The following SIM2 variants were observed in gnomAD, a reference collection of about 807,000 sequenced individuals.
SIM2 encodes SIM bHLH transcription factor 2, also known as single-minded homolog 2.
SIM2 carries 28 observed loss-of-function variants against 64.8 expected under a neutral mutation model. The observed-to-expected ratio is 0.43, with a 90% confidence interval of 0.32 to 0.59. The LOEUF (loss-of-function observed/expected upper bound fraction) is 0.59, where lower values mean the gene tolerates loss of function less well. SIM2 is among the 20% of genes least tolerant of loss of function. The probability of loss-of-function intolerance (pLI) is 0.07; values close to 1 mark genes in which losing one functional copy is unlikely to be tolerated. For missense variants in SIM2, 847 were observed against 871.4 expected, an observed-to-expected ratio of 0.97 and a Z score of 0.35; for synonymous variants, 408 against 391.1, an observed-to-expected ratio of 1.04 and a Z score of -0.51.
chr21:36,723,100 G>A lies in SIM2; in HGVS notation c.513G>A (p.Arg171=), dbSNP rs769555388. 2 of 1,614,170 alleles carry A rather than the reference G, an allele frequency of 1.2e-6. No homozygotes were observed. Among genetic ancestry groups the A allele is most frequent in the Non-Finnish European group, 1.7e-6 (2 of 1,180,016 alleles). ...GAATGAAATGTGTCTTGGCGAAAAG[G>A]AACGCGGGCCTGACCTGCAGCGGAT... ...FLRMKCVLAK[R]NAGLTCSGYK... The change falls in exon 5 of 11, where the codon AGG becomes AGA. Residue 171 remains arginine, a synonymous_variant. Transcript: ENST00000290399.
chr21:36,739,767 G>A (rs1272587014), intron 7 of SIM2, among the ~76,000 whole-genome samples: 2 of 152,138 alleles, frequency 1.3e-5, no homozygotes, highest in Non-Finnish European at 2.9e-5. Context: ...CACCTGCAAT[G>A]GCTGCATAGT....
At position 36,699,654 on chromosome 21, in the gene SIM2, G is replaced by T; in HGVS notation, c.-93G>T. 6.9e-7 allele frequency: 1 copy of T among 1,442,396 alleles called. No homozygotes were observed. Among genetic ancestry groups the T allele is most frequent in the Non-Finnish European group, 9.3e-7 (1 of 1,076,544 alleles). The allele number at this position is 1,442,396 out of a possible 1,614,324, so 89.3% of individuals were successfully genotyped here. A position where few individuals can be genotyped will look rare whatever the true frequency, so the allele number is the denominator to read the frequency against. On this transcript the variant is annotated 5_prime_UTR_variant, in exon 1 of 11. Transcript: ENST00000290399. The surrounding 1 kb of genome is among the most constrained non-coding windows in gnomAD (Gnocchi z 5.6). ...ACTCCGCGGACTCACCTGGCTCCCG[G>T]CTCCCCCTTCCCCATCCCCGCCGCC...
At chr21:36,737,993 A>AT (rs2089097769) in intron 7 of SIM2, among the ~76,000 whole-genome samples, 1 of 148,232 alleles carries the variant, frequency 6.7e-6, no homozygotes, top group Non-Finnish European at 1.5e-5. Context: ...GCAAAAAAAA[A>AT]GCAAAAAGAA....
At chr21:36,705,498 G>A (rs1601684897) in intron 1 of SIM2, among the ~76,000 whole-genome samples, 1 of 152,234 alleles carries the variant, frequency 6.6e-6, no homozygotes, top group East Asian at 1.9e-4. Flanking sequence ...AGAGAGGGAG[G>A]CACAAAGTGA....
At chr21:36,728,137 C>T (rs1165915332) in intron 6 of SIM2, among the ~76,000 whole-genome samples, 1 of 152,234 alleles carries the variant, frequency 6.6e-6, no homozygotes, top group East Asian at 1.9e-4. Flanking sequence ...GGGTGGACCC[C>T]TCTGCTCCCT....
Position 36,716,161 on chromosome 21 carries a change from C to T in SIM2, c.348+3539C>T, listed in dbSNP as rs78950115. Among the ~76,000 whole-genome samples, 65 of 152,252 alleles carry T rather than the reference C, an allele frequency of 4.3e-4. No individual in the cohort carries two copies. The East Asian group carries it at 0.011, about 27-fold the overall frequency. ...GTTGGGGCAGCAATGTTTTTCCATG[C>T]GTGTTTACTAAATGATTTAGTTCCA... On this transcript the variant is annotated intron_variant, in intron 3 of 10. Coordinates refer to ENST00000290399, the MANE Select transcript of SIM2 (RefSeq NM_005069.6).
At chr21:36,716,503 C>T (rs1042512059) in intron 3 of SIM2, among the ~76,000 whole-genome samples, 1 of 152,120 alleles carries the variant, frequency 6.6e-6, no homozygotes, top group East Asian at 1.9e-4. Flanking sequence ...GAAATAAAGA[C>T]AAAAGACAAC....
intron 1 of SIM2, among the ~76,000 whole-genome samples, chr21:36,702,265 T>G (rs2123406072): frequency 6.6e-6 from 1 of 152,274 alleles, no homozygotes; most frequent in South Asian, 2.1e-4. Context: ...AGGGGCTTCC[T>G]GTGTGTCTTT....
intron 4 of SIM2, among the ~76,000 whole-genome samples, chr21:36,721,456 G>C (rs1186803761): frequency 6.6e-6 from 1 of 152,038 alleles, no homozygotes; most frequent in African/African-American, 2.4e-5. Context: ...TTGTTTTTTG[G>C]AGTTGGAGTT....
intron 4 of SIM2, among the ~76,000 whole-genome samples, chr21:36,721,610 T>G (rs919332307): frequency 6.6e-6 from 1 of 151,988 alleles, no homozygotes; most frequent in Non-Finnish European, 1.5e-5. Flanking sequence ...CTGGCTAATT[T>G]TTTTGTATTT....
At chr21:36,709,395 C>A (rs1296418184) in intron 2 of SIM2, 145 bp downstream of exon 2, 1 of 735,250 alleles carries the variant, frequency 1.4e-6, no homozygotes, top group East Asian at 2.7e-5. Flanking sequence ...GTCCCCACTG[C>A]GGAGGGATGG....
rs373286017 is a variant in SIM2, at chr21:36,741,056, C to T, written c.851-661C>T. On this transcript the variant is annotated intron_variant, in intron 7 of 10. Transcript: ENST00000290399. ...CCGAGCCTTTGGCTGAGCTGCTTAGCGGCCTGGAGTTTGCACCCAAGCATA... is the reference window on the plus strand; with the variant it reads ...CCGAGCCTTTGGCTGAGCTGCTTAGTGGCCTGGAGTTTGCACCCAAGCATA... 4.6e-5 allele frequency among the ~76,000 whole-genome samples: 7 copies of T among 152,312 alleles called. No homozygotes were observed. In the East Asian group the frequency reaches 7.7e-4, roughly 17 times the overall value.
chr21:36,740,093 C>T (rs949664287), intron 7 of SIM2, among the ~76,000 whole-genome samples: 3 of 150,554 alleles, frequency 2.0e-5, no homozygotes, highest in South Asian at 2.1e-4. Flanking sequence ...TAGCCGGTGT[C>T]ACCTGTTGGC....
rs1200691510 is a variant in SIM2 at position 36,726,437 on chromosome 21, T to C, written c.743+119T>C. The C allele has an allele frequency of 3.3e-6, 3 of 897,392 alleles. No individual in the cohort carries two copies. The African/African-American group carries it at 5.0e-5, about 15-fold the overall frequency. 55.6% of individuals were successfully genotyped at this position (897,392 alleles called of 1,614,324 possible). A position where few individuals can be genotyped will look rare whatever the true frequency, so the allele number is the denominator to read the frequency against. On this transcript the variant is annotated intron_variant, in intron 6 of 10. Coordinates refer to ENST00000290399, the MANE Select transcript of SIM2 (RefSeq NM_005069.6). The surrounding 1 kb of genome is among the most constrained non-coding windows in gnomAD (Gnocchi z 4.5). ...AACAAGGAATAAGTCATAATAGGAATGTGGATTAAGCAAAACCAATTTATG... is the reference window on the plus strand; with the variant it reads ...AACAAGGAATAAGTCATAATAGGAACGTGGATTAAGCAAAACCAATTTATG...
At chr21:36,731,408 T>G (rs113634109) in intron 7 of SIM2, among the ~76,000 whole-genome samples, 73 of 152,134 alleles carry the variant, frequency 4.8e-4, no homozygotes, top group Non-Finnish European at 7.8e-4. Context: ...GATTCTAGAT[T>G]GTGGATGTGG....
At chr21:36,709,416 T>A (rs980440869) in intron 2 of SIM2, 166 bp downstream of exon 2, 1 of 716,472 alleles carries the variant, frequency 1.4e-6, no homozygotes, top group Admixed American at 2.0e-5. Context: ...ACGCTTAGCA[T>A]GTCGGATGCG....
At chr21:36,727,300 G>T (rs1338970690) in intron 6 of SIM2, among the ~76,000 whole-genome samples, 1 of 152,192 alleles carries the variant, frequency 6.6e-6, no homozygotes, top group East Asian at 1.9e-4. Flanking sequence ...CTCCCAAAGT[G>T]CTGGGATTCC....
rs1051049673 is a variant in SIM2, at chr21:36,741,835, C to T, written c.969C>T (p.His323=). 6.2e-7 allele frequency: 1 copy of T among 1,603,796 alleles called. No homozygotes were observed. The highest frequency in any genetic ancestry group is 1.3e-5 in the African/African-American group (1 of 74,864). Residue 323 remains histidine, a synonymous_variant, in exon 8 of 11, where the codon CAC becomes CAT. Coordinates refer to ENST00000290399, the MANE Select transcript of SIM2 (RefSeq NM_005069.6). ...ACAACAGCCGCTCGTCCCGGCCCCA[C>T]TGCATCGTGAGTGTCAATTATGTAC... ...VVHNSRSSRP[H]CIVSVNYVLT...
At chr21:36,715,776 CTTTA>C (rs2088738842) in intron 3 of SIM2, among the ~76,000 whole-genome samples, 1 of 152,114 alleles carries the variant, frequency 6.6e-6, no homozygotes, top group Non-Finnish European at 1.5e-5. Flanking sequence ...TATCCAAATT[CTTTA>C]TTTGAGGGTA....
Sources: gnomAD v4.1 joint callset for allele counts (sites outside exome capture counted in the v4.1 genomes callset) on GRCh38, gnomAD v4.1.1 for gene constraint, Gnocchi (gnomAD v3.1) non-coding constraint, MANE v1.5 for transcripts, NCBI Gene and HGNC (gene_info 2026-07-23, HGNC 2026-07-21) for gene names.